Variants in KAZN observed in about 807,000 individuals in gnomAD.
The protein encoded by KAZN is kazrin, periplakin interacting protein, also known as kazrin.
KAZN carries 40 observed loss-of-function variants against 87.4 expected under a neutral mutation model. That is an observed-to-expected ratio of 0.46 (90% confidence interval 0.36 to 0.60). KAZN has a LOEUF of 0.60. Among genes scored for constraint, KAZN ranks in the 20% least tolerant of loss-of-function variants. The pLI, the probability that KAZN is intolerant of heterozygous loss-of-function variation, is 0.00. For missense variants in KAZN, 898 were observed against 1,073.9 expected, an observed-to-expected ratio of 0.84 and a Z score of 2.29; for synonymous variants, 466 against 458.3, an observed-to-expected ratio of 1.02 and a Z score of -0.22.
At chr1:14,554,643 C>A (rs1571922692) in intron 2 of KAZN, among the ~76,000 whole-genome samples, 2 of 152,184 alleles carry the variant, frequency 1.3e-5, no homozygotes, top group African/African-American at 4.8e-5. Flanking sequence ...TAGAGGAAAG[C>A]ATCTTAGAGA....
At position 14,112,036 on chromosome 1, in the gene KAZN, C is replaced by A. The variant is rs145838991; in HGVS notation, c.92-68399C>A. Reference sequence around the variant, plus strand: ...TACAGACGTGAGCCACCACGCTCAGCCCCTTTGCCTAGATTCTAACTTCTG... The same window carrying A: ...TACAGACGTGAGCCACCACGCTCAGACCCTTTGCCTAGATTCTAACTTCTG... On this transcript the variant is annotated intron_variant, in intron 1 of 16. Coordinates refer to the KAZN transcript ENST00000636203. Among the ~76,000 whole-genome samples, 1,254 of 152,140 alleles carry A rather than the reference C, an allele frequency of 8.2e-3. 18 individuals are homozygous for A. Among genetic ancestry groups the A allele is most frequent in the African/African-American group, 0.028 (1,170 of 41,486 alleles).
chr1:14,417,019 C>CACACAG (rs1384488341), intron 2 of KAZN, among the ~76,000 whole-genome samples: 1 of 143,892 alleles, frequency 6.9e-6, no homozygotes, highest in African/African-American at 2.7e-5. Flanking sequence ...TGTACACACA[C>CACACAG]ACACACACAC....
intron 1 of KAZN, among the ~76,000 whole-genome samples, chr1:14,816,283 A>C (rs1346595444): frequency 6.6e-6 from 1 of 152,200 alleles, no homozygotes; most frequent in African/African-American, 2.4e-5. Context: ...AGGAATGCTT[A>C]AATGGGTCCT....
chr1:14,288,771 G>A (rs916530666), intron 2 of KAZN, among the ~76,000 whole-genome samples: 2 of 152,172 alleles, frequency 1.3e-5, no homozygotes, highest in African/African-American at 4.8e-5. Context: ...TAATTGTGAT[G>A]TTAGGGTGTG....
At chr1:14,810,548 G>A (rs982149826) in intron 1 of KAZN, among the ~76,000 whole-genome samples, 5 of 152,066 alleles carry the variant, frequency 3.3e-5, no homozygotes, top group Non-Finnish European at 7.3e-5. Context: ...TGTCCACTCC[G>A]CTCTAGACAC....
intron 2 of KAZN, among the ~76,000 whole-genome samples, chr1:14,496,036 GTTT>G (rs1429328404): frequency 6.6e-6 from 1 of 152,082 alleles, no homozygotes; most frequent in Non-Finnish European, 1.5e-5. Flanking sequence ...AGCATTTTGA[GTTT>G]ATTAGACAGG....
intron 1 of KAZN, among the ~76,000 whole-genome samples, chr1:14,018,255 A>G (rs903305859): frequency 6.6e-6 from 1 of 152,096 alleles, no homozygotes; most frequent in Non-Finnish European, 1.5e-5. Flanking sequence ...TTCATTGTGA[A>G]GTTTGTTTCA....
chr1:14,704,754 CGGGGT>C (rs1642120735), intron 1 of KAZN, among the ~76,000 whole-genome samples: 1 of 152,162 alleles, frequency 6.6e-6, no homozygotes, highest in Non-Finnish European at 1.5e-5. Flanking sequence ...CAAATGACAT[CGGGGT>C]TCAGCCAGTG....
chr1:14,856,046 A>G lies in KAZN; in HGVS notation c.227-104638A>G, dbSNP rs6675196. Among the ~76,000 whole-genome samples, 4,649 of 152,288 alleles carry G rather than the reference A, an allele frequency of 0.031. 216 individuals carry two copies. Among genetic ancestry groups the G allele is most frequent in the African/African-American group, 0.1 (4,291 of 41,536 alleles). Reference sequence around the variant, plus strand: ...AGCACATTAGTAATTGGAATGTGACATTGGGATATGGCAGGTGAGTAATAA... The same window carrying G: ...AGCACATTAGTAATTGGAATGTGACGTTGGGATATGGCAGGTGAGTAATAA... On this transcript the variant is annotated intron_variant, in intron 1 of 14. Coordinates refer to ENST00000376030, the MANE Select transcript of KAZN (RefSeq NM_201628.3). The surrounding 1 kb of genome is among the most constrained non-coding windows in gnomAD (Gnocchi z 5.2).
chr1:15,047,384 G>A (rs10927658), intron 4 of KAZN, among the ~76,000 whole-genome samples: 81,503 of 152,078 alleles, frequency 0.54, 22,828 homozygotes, highest in African/African-American at 0.66. Context: ...GCTCTGCTCT[G>A]CCAGTGGAAG....
chr1:14,868,443 A>T (rs2101048629), intron 1 of KAZN, among the ~76,000 whole-genome samples: 1 of 152,322 alleles, frequency 6.6e-6, no homozygotes, highest in East Asian at 1.9e-4. Context: ...GGAGCAACTC[A>T]TCTAGGGCCA....
intron 1 of KAZN, among the ~76,000 whole-genome samples, chr1:14,021,378 T>A (rs1326571991): frequency 6.6e-6 from 1 of 152,210 alleles, no homozygotes; most frequent in Non-Finnish European, 1.5e-5. Flanking sequence ...TAAGCAGACC[T>A]ATAGGATCAG....
intron 2 of KAZN, among the ~76,000 whole-genome samples, chr1:14,253,462 T>C (rs994143209): frequency 5.9e-5 from 9 of 152,176 alleles, no homozygotes; most frequent in Non-Finnish European, 1.2e-4. Context: ...TGGCTACTAA[T>C]GGGTTAATAT....
chr1:14,736,961 AG>A (rs1643927566), intron 1 of KAZN, among the ~76,000 whole-genome samples: 1 of 152,166 alleles, frequency 6.6e-6, no homozygotes, highest in East Asian at 1.9e-4. Flanking sequence ...GACCTGAGAG[AG>A]CCGACTTTCT....
intron 2 of KAZN, among the ~76,000 whole-genome samples, chr1:14,964,381 T>C (rs935216450): frequency 2.0e-5 from 3 of 152,152 alleles, no homozygotes; most frequent in Non-Finnish European, 2.9e-5. Context: ...TGCTTGGAGA[T>C]GTTGCTTGTC....
At chr1:13,955,812 T>G (rs1246309371) in intron 1 of KAZN, among the ~76,000 whole-genome samples, 1 of 152,188 alleles carries the variant, frequency 6.6e-6, no homozygotes, top group Non-Finnish European at 1.5e-5. Context: ...ACTCCAACCT[T>G]TAGGGATAAA....
chr1:14,538,386 A>C (rs1032536282), intron 2 of KAZN, among the ~76,000 whole-genome samples: 7 of 152,352 alleles, frequency 4.6e-5, no homozygotes, highest in African/African-American at 1.7e-4. Context: ...CTATAACAAC[A>C]TACCCAAGAC....
At chr1:14,417,011 T>TACACAC (rs58667891) in intron 2 of KAZN, among the ~76,000 whole-genome samples, 4,826 of 145,548 alleles carry the variant, frequency 0.033, 166 homozygotes, top group East Asian at 0.15. Context: ...TATATATATG[T>TACACAC]ACACACACAC....
intron 1 of KAZN, among the ~76,000 whole-genome samples, chr1:14,051,220 G>C (rs1417970520): frequency 6.6e-6 from 1 of 152,138 alleles, no homozygotes; most frequent in Non-Finnish European, 1.5e-5. Flanking sequence ...GACATCAAGG[G>C]TGGAGATAAG....
Sources: allele counts gnomAD v4.1 joint callset (sites outside exome capture counted in the v4.1 genomes callset), GRCh38; gene constraint gnomAD v4.1.1; non-coding constraint Gnocchi (gnomAD v3.1); transcripts MANE v1.5; gene names NCBI Gene and HGNC (gene_info 2026-07-23, HGNC 2026-07-21).